Variants in DOK7 observed in about 807,000 individuals in gnomAD.
DOK7 encodes docking protein 7, also known as protein Dok-7.
A neutral mutation model predicts 30.7 loss-of-function variants in DOK7; 32 were observed. The ratio of observed to expected loss-of-function variants is 1.04; its 90% CI spans 0.79 to 1.40. The LOEUF (loss-of-function observed/expected upper bound fraction) is 1.40. DOK7 is among the 40% of genes most tolerant of loss of function. The pLI is 0.00. For missense variants in DOK7, 1,007 were observed against 699.2 expected, an observed-to-expected ratio of 1.44 and a Z score of -4.97; for synonymous variants, 447 against 324.1, an observed-to-expected ratio of 1.38 and a Z score of -4.07.
chr4:3,501,331 C>A (rs183827227), exon 8 of DOK7: 134 of 156,160 alleles, frequency 8.6e-4, no homozygotes, highest in Middle Eastern at 3.2e-3. Flanking sequence ...CTGAGACTGG[C>A]GGCTCAGACA....
chr4:3,493,083 C>T lies in DOK7; in HGVS notation c.1097C>T (p.Thr366Ile). 3 of 1,577,724 alleles carry T rather than the reference C, an allele frequency of 1.9e-6. No homozygotes were observed. The highest frequency in any genetic ancestry group is 2.3e-5 in the East Asian group (1 of 43,044). Residue 366 changes from threonine (T) to isoleucine (I), a missense_variant, in exon 7 of 7, where the codon ACA becomes ATA. Thr to Ile is a moderately conservative substitution (Grantham distance 89). Transcript: ENST00000340083. The stretch of plus-strand genomic sequence containing the variant: ...AGCAGCCTGGACGTGTGGCGGGCCA[C>T]AGATGAACTGGGCTCACTGCTCAGC... Reference protein sequence around the residue: ...AGSSLDVWRATDELGSLLSLP... With the variant: ...AGSSLDVWRAIDELGSLLSLP...
intron 2 of DOK7, among the ~76,000 whole-genome samples, chr4:3,467,008 C>T (rs1019635679): frequency 2.6e-5 from 4 of 152,190 alleles, no homozygotes; most frequent in East Asian, 1.9e-4. Flanking sequence ...GGTCGATGGC[C>T]GCCCCCCTTG....
intron 4 of DOK7, chr4:3,485,283 G>C: frequency 2.4e-6 from 1 of 421,434 alleles, no homozygotes; most frequent in Non-Finnish European, 4.1e-6. Flanking sequence ...AAGTTTGAAG[G>C]GTGCGGCGGG....
At chr4:3,479,971 C>A (rs549500237) in intron 4 of DOK7, among the ~76,000 whole-genome samples, 1 of 152,380 alleles carries the variant, frequency 6.6e-6, no homozygotes, top group South Asian at 2.1e-4. Context: ...CAGCCTCACA[C>A]ACGGGCAAGT....
At chr4:3,477,311 G>C (rs544766283) in intron 4 of DOK7, among the ~76,000 whole-genome samples, 3 of 152,230 alleles carry the variant, frequency 2.0e-5, no homozygotes, top group Non-Finnish European at 4.4e-5. Flanking sequence ...GGCTGAAGGC[G>C]GGCAGAGGGA....
At chr4:3,498,746 C>T (rs1487308406), downstream of DOK7, among the ~76,000 whole-genome samples, 1 of 152,244 alleles carries the variant, frequency 6.6e-6, no homozygotes, top group Admixed American at 6.5e-5. Context: ...CCGCTATGTT[C>T]TGTGGCTCAT....
intron 4 of DOK7, among the ~76,000 whole-genome samples, chr4:3,482,678 C>T (rs1372765269): frequency 1.3e-5 from 2 of 152,266 alleles, no homozygotes; most frequent in Admixed American, 1.3e-4. Flanking sequence ...ATGGGGCAGG[C>T]CCTGTTCTCC....
At chr4:3,474,429 C>A (rs1035987002) in intron 3 of DOK7, among the ~76,000 whole-genome samples, 14 of 152,116 alleles carry the variant, frequency 9.2e-5, no homozygotes, top group African/African-American at 3.4e-4. Context: ...CCTGTAATTC[C>A]AGTACTTCGG....
intron 5 of DOK7, among the ~76,000 whole-genome samples, chr4:3,487,601 T>C (rs1429260296): frequency 6.6e-6 from 1 of 152,096 alleles, no homozygotes; most frequent in Non-Finnish European, 1.5e-5. Flanking sequence ...ATGGCGTGCA[T>C]GTTACCTTCT....
At chr4:3,490,666 TCCTC>T (rs1728290551) in intron 6 of DOK7, among the ~76,000 whole-genome samples, 3 of 112,932 alleles carry the variant, frequency 2.7e-5, no homozygotes, top group Admixed American at 9.2e-5. Flanking sequence ...GCTCATTCAT[TCCTC>T]CCTTCCCCGC....
At chr4:3,488,211 G>A (rs1727942581) in intron 5 of DOK7, among the ~76,000 whole-genome samples, 1 of 152,248 alleles carries the variant, frequency 6.6e-6, no homozygotes, top group Non-Finnish European at 1.5e-5. Flanking sequence ...GACCGGGGCA[G>A]TGCCTTGGGG....
chr4:3,493,305 C>A lies in DOK7; in HGVS notation c.1319C>A (p.Ala440Asp). 6.2e-7 allele frequency: 1 copy of A among 1,606,342 alleles called. No homozygotes were observed. Among genetic ancestry groups the A allele is most frequent in the Non-Finnish European group, 8.5e-7 (1 of 1,176,914 alleles). The change falls in exon 7 of 7, where the codon GCC becomes GAC. Residue 440 changes from alanine (A) to aspartate (D), a missense_variant. Transcript: ENST00000340083. Reference protein sequence around the residue: ...AARDSGGQTSAGCPSGWLGTR... With the variant: ...AARDSGGQTSDGCPSGWLGTR... ...AGGGACTCAGGCGGCCAGACGTCCG[C>A]CGGGTGTCCCTCTGGCTGGCTGGGC...
chr4:3,492,321 A>C (rs895973824), intron 6 of DOK7, among the ~76,000 whole-genome samples: 1 of 151,632 alleles, frequency 6.6e-6, no homozygotes, highest in African/African-American at 2.4e-5. Context: ...AGGGCCTGGG[A>C]AGTTCTTGGG....
chr4:3,489,075 G>A (rs1470643154), intron 5 of DOK7, among the ~76,000 whole-genome samples: 2 of 152,206 alleles, frequency 1.3e-5, no homozygotes, highest in Admixed American at 6.5e-5. Flanking sequence ...ACACATGGAC[G>A]ATGAATAGAG....
intron 2 of DOK7, among the ~76,000 whole-genome samples, chr4:3,469,573 C>G (rs950197183): frequency 6.6e-6 from 1 of 152,134 alleles, no homozygotes; most frequent in Non-Finnish European, 1.5e-5. Context: ...CTGGGGCCCT[C>G]TGGGCCTGGC....
rs553596926 is a variant in DOK7 at position 3,500,564 on chromosome 4, C to T, written c.1262-128C>T. The T allele has an allele frequency of 1.0e-5, 15 of 1,493,878 alleles. No individual in the cohort carries two copies. In the South Asian group the frequency reaches 1.0e-4, roughly 10 times the overall value. 92.5% of individuals were successfully genotyped at this position (1,493,878 alleles called of 1,614,324 possible). A position where few individuals can be genotyped will look rare whatever the true frequency, so the allele number is the denominator to read the frequency against. ...TCCCCAACTCCATCCCTGGCCAGGC[C>T]ACATCCCCTGAGGGTGTCCCCACTC... On this transcript the variant is annotated intron_variant, in intron 7 of 7. Transcript: ENST00000643608.
At chr4:3,473,342 G>C (rs373952849) in intron 2 of DOK7, 64 bp from the exon 3 acceptor site, 2 of 1,546,056 alleles carry the variant, frequency 1.3e-6, no homozygotes, top group African/African-American at 1.4e-5. Context: ...CGGCCTCCCC[G>C]GGGACGCCAA....
At chr4:3,466,304 C>T (rs10031530) in intron 2 of DOK7, among the ~76,000 whole-genome samples, 51,860 of 151,444 alleles carry the variant, frequency 0.34, 9,516 homozygotes, top group East Asian at 0.52. Flanking sequence ...GGACTGAGCC[C>T]GGCCTGCAGG....
chr4:3,497,545 G>T (rs1285226905), downstream of DOK7, among the ~76,000 whole-genome samples: 3 of 152,124 alleles, frequency 2.0e-5, no homozygotes, highest in African/African-American at 7.2e-5. Context: ...GCTGGCCTGG[G>T]GTAGATGGGT....
Sources: allele counts gnomAD v4.1 joint callset (sites outside exome capture counted in the v4.1 genomes callset), GRCh38; gene constraint gnomAD v4.1.1; transcripts MANE v1.5; gene names NCBI Gene and HGNC (gene_info 2026-07-23, HGNC 2026-07-21).